The following RIPOR2 variants were observed in gnomAD, a reference collection of about 807,000 sequenced individuals.
RIPOR2 encodes rho family-interacting cell polarization regulator 2.
Under a neutral mutation model 114.5 loss-of-function variants are expected in RIPOR2, and 39 were observed. That is an observed-to-expected ratio of 0.34 (90% CI 0.26 to 0.44). The LOEUF (loss-of-function observed/expected upper bound fraction) is 0.44. Among genes scored for constraint, RIPOR2 ranks in the 20% least tolerant of loss-of-function variants. The probability of loss-of-function intolerance (pLI) is 1.00; values close to 1 mark genes in which losing one functional copy is unlikely to be tolerated. For missense variants in RIPOR2, 1,007 were observed against 1,255.1 expected (o/e 0.80, Z 2.99); for synonymous variants, 445 against 484.4 (o/e 0.92, Z 1.07).
chr6:24,863,793 C>A (rs1030954655), intron 7 of RIPOR2, among the ~76,000 whole-genome samples: 1 of 152,078 alleles, frequency 6.6e-6, no homozygotes, highest in Admixed American at 6.6e-5. Context: ...TTTAAAAAAT[C>A]ATTTATACTT....
At chr6:24,972,776 G>C (rs1295979885) in intron 1 of RIPOR2, among the ~76,000 whole-genome samples, 5 of 152,332 alleles carry the variant, frequency 3.3e-5, no homozygotes, top group African/African-American at 1.2e-4. Context: ...GGCAGCATAT[G>C]TTATGGAAGG....
chr6:24,873,784 A>G lies in RIPOR2; in HGVS notation c.204T>C (p.Ile68=), dbSNP rs1193323235. Residue 68 remains isoleucine (I), a synonymous_variant, in exon 3 of 22, where the codon ATT becomes ATC. Transcript: ENST00000643898. Reference sequence around the variant, plus strand: ...GCTTCTTGAGAGCGGAGGAATTTTCAATGAAGGAGTTACACCTATGGAAAG... The same window carrying G: ...GCTTCTTGAGAGCGGAGGAATTTTCGATGAAGGAGTTACACCTATGGAAAG... ...QERRSRCNSF[I]ENSSALKKPQ... 1.2e-6 allele frequency: 2 copies of G among 1,611,688 alleles called. No homozygotes were observed. The highest frequency in any genetic ancestry group is 2.7e-5 in the African/African-American group (2 of 74,576).
intron 1 of RIPOR2, among the ~76,000 whole-genome samples, chr6:24,895,709 G>T (rs912406684): frequency 6.6e-6 from 1 of 152,108 alleles, no homozygotes; most frequent in Non-Finnish European, 1.5e-5. Context: ...GAACTTCTTC[G>T]GCCGGGCGCT....
chr6:24,858,368 G>A lies in RIPOR2; in HGVS notation c.715+2605C>T, dbSNP rs1190698437. Among the ~76,000 whole-genome samples the A allele has an allele frequency of 2.0e-5, 3 of 152,104 alleles. No homozygotes were observed. The highest frequency in any genetic ancestry group is 7.2e-5 in the African/African-American group (3 of 41,404). ...TGGGGCAAAAAGGGAAGTGAGGAAG[G>A]GTGTGGCACGAGGAAGTTAGTGGTT... is the stretch of plus-strand genomic sequence containing the variant. On this transcript the variant is annotated intron_variant, in intron 8 of 21. Coordinates refer to ENST00000643898, the MANE Select transcript of RIPOR2 (RefSeq NM_001286445.3). This position sits in a 1 kb window ranked among gnomAD's most constrained non-coding sequence, Gnocchi z 4.0.
chr6:24,992,258 A>G (rs778688768), intron 1 of RIPOR2, among the ~76,000 whole-genome samples: 3 of 152,210 alleles, frequency 2.0e-5, no homozygotes, highest in Non-Finnish European at 2.9e-5. Flanking sequence ...CTTAGCTGTC[A>G]TGAAATTTTC....
rs747154873 is a variant in RIPOR2, at chr6:24,852,611, A to G, written c.723T>C (p.Ala241=). The change falls in exon 9 of 22, where the codon GCT becomes GCC. Residue 241 remains alanine, a synonymous_variant. Coordinates refer to ENST00000643898, the MANE Select transcript of RIPOR2 (RefSeq NM_001286445.3). ...GEFSIKMKGL[A]GFARLCPGDQ... ...CTCCAGGACAGAGGCGTGCAAAGCC[A>G]GCCAGACCTGTAACCAAGAAATTGG... 2 of 1,591,558 alleles carry G rather than the reference A, an allele frequency of 1.3e-6. No homozygotes were observed. The highest frequency in any genetic ancestry group is 3.8e-5 in the Admixed American group (2 of 53,316).
At chr6:24,991,222 TGA>T (rs1184199582) in intron 1 of RIPOR2, among the ~76,000 whole-genome samples, 3 of 152,190 alleles carry the variant, frequency 2.0e-5, no homozygotes, top group Non-Finnish European at 1.5e-5. Flanking sequence ...CTGATGCAGC[TGA>T]GAGAGAGGAC....
At chr6:24,960,261 G>A (rs1273614884) in intron 1 of RIPOR2, among the ~76,000 whole-genome samples, 1 of 152,120 alleles carries the variant, frequency 6.6e-6, no homozygotes, top group East Asian at 1.9e-4. Context: ...CTGGAGGCTG[G>A]GAAGTCCAAG....
At chr6:24,970,590 G>A (rs1773740232) in intron 1 of RIPOR2, among the ~76,000 whole-genome samples, 1 of 152,068 alleles carries the variant, frequency 6.6e-6, no homozygotes, top group Non-Finnish European at 1.5e-5. Flanking sequence ...GGGAACCCTG[G>A]GTCAATCAGT....
chr6:24,863,519 A>G (rs984490789), intron 7 of RIPOR2, among the ~76,000 whole-genome samples: 1 of 152,170 alleles, frequency 6.6e-6, no homozygotes, highest in Non-Finnish European at 1.5e-5. Context: ...GGCTCTCCTC[A>G]TTTCAGAGAT....
intron 1 of RIPOR2, among the ~76,000 whole-genome samples, chr6:24,912,829 C>T (rs1769768006): frequency 6.6e-6 from 1 of 152,106 alleles, no homozygotes; most frequent in Non-Finnish European, 1.5e-5. Flanking sequence ...GACATATAAC[C>T]TTTTATGAGA....
intron 19 of RIPOR2, among the ~76,000 whole-genome samples, chr6:24,824,411 G>A (rs1307368377): frequency 6.6e-6 from 1 of 152,188 alleles, no homozygotes; most frequent in Non-Finnish European, 1.5e-5. Flanking sequence ...TTAAACAAAC[G>A]GAGTTCAACA....
intron 20 of RIPOR2, 46 bp from the exon 21 acceptor site, chr6:24,809,853 A>G (rs776606952): frequency 3.0e-5 from 37 of 1,247,294 alleles, no homozygotes; most frequent in Non-Finnish European, 4.0e-5. Context: ...ATTTAGGTCT[A>G]GAGTACCACG....
chr6:24,980,826 G>A (rs1034147660), intron 1 of RIPOR2, among the ~76,000 whole-genome samples: 1 of 152,224 alleles, frequency 6.6e-6, no homozygotes, highest in African/African-American at 2.4e-5. Flanking sequence ...GGGAAGGTAA[G>A]TGAGCTTATC....
chr6:24,836,830 A>ACACT (rs1761156176), intron 14 of RIPOR2, among the ~76,000 whole-genome samples: 1 of 98,916 alleles, frequency 1.0e-5, no homozygotes, highest in African/African-American at 2.9e-5. Flanking sequence ...ACACACACAC[A>ACACT]CTCTCTCTCT....
chr6:24,857,018 G>A (rs116570007), intron 8 of RIPOR2, among the ~76,000 whole-genome samples: 1 of 152,210 alleles, frequency 6.6e-6, no homozygotes, highest in African/African-American at 2.4e-5. Flanking sequence ...AAAATTTCTT[G>A]GAACTGCTGT....
intron 13 of RIPOR2, 161 bp from the exon 14 acceptor site, chr6:24,839,433 A>G: frequency 7.0e-7 from 1 of 1,434,644 alleles, no homozygotes; most frequent in East Asian, 2.5e-5. Flanking sequence ...TATCCAAAAA[A>G]GAAGTACAAC....
chr6:24,839,205 C>G lies in RIPOR2; in HGVS notation c.1925G>C (p.Ser642Thr). 1 of 1,551,834 alleles carries G rather than the reference C, an allele frequency of 6.4e-7. No homozygotes were observed. The highest frequency in any genetic ancestry group is 8.7e-7 in the Non-Finnish European group (1 of 1,147,012). Residue 642 changes from serine (S) to threonine (T), a missense_variant, in exon 14 of 22, where the codon AGC (serine) becomes ACC (threonine). Transcript: ENST00000643898. The part of the protein sequence containing the change: ...LSLTVESALE[S>T]FDFLNTSDFD... ...ATCAGAGGTGTTCAGGAAATCAAAG[C>G]TTTCTAAAGCACTTTCAACTGTGAG...
rs760508182 is a variant in RIPOR2 at position 24,839,935 on chromosome 6, C to CTTTTTTTTTTTTTT, written c.1858-677_1858-664dup. On this transcript the variant is annotated intron_variant, in intron 13 of 21. Coordinates refer to ENST00000643898, the MANE Select transcript of RIPOR2 (RefSeq NM_001286445.3). ...GTTCCCTAGGTAAGAAGCCCTGCATCTTTTTTTTTTTTTTTTTTTTTTTTT... is the reference window on the plus strand; with the variant it reads ...GTTCCCTAGGTAAGAAGCCCTGCATCTTTTTTTTTTTTTTTTTTTTTTTTTTTTTTTTTTTTTTT... The CTTTTTTTTTTTTTT allele has an allele frequency of 2.2e-4, 76 of 344,468 alleles. 7 individuals are homozygous for CTTTTTTTTTTTTTT. In the African/African-American group the frequency reaches 3.5e-3, roughly 16 times the overall value. 21.3% of individuals were successfully genotyped at this position (344,468 alleles called of 1,614,324 possible).
Sources: gnomAD v4.1 joint callset for allele counts (sites outside exome capture counted in the v4.1 genomes callset) on GRCh38, gnomAD v4.1.1 for gene constraint, Gnocchi (gnomAD v3.1) non-coding constraint, MANE v1.5 for transcripts, NCBI Gene and HGNC (gene_info 2026-07-23, HGNC 2026-07-21) for gene names.